Variants in GBE1 observed in about 807,000 individuals in gnomAD.
The protein encoded by GBE1 is 1,4-alpha-glucan branching enzyme 1.
In GBE1, 70 loss-of-function variants were observed where a neutral mutation model predicts 88.8. That is an observed-to-expected ratio of 0.79 (90% CI 0.65 to 0.96). The LOEUF (loss-of-function observed/expected upper bound fraction) is 0.96. GBE1 is among the 40% of genes least tolerant of loss of function. GBE1 has a pLI of 0.00. For synonymous variants in GBE1, 284 were observed against 300.1 expected (o/e 0.95, Z 0.56); for missense variants, 872 against 871.0 (o/e 1.00, Z -0.01).
chr3:81,755,337 G>A (rs2107242002), intron 1 of GBE1, among the ~76,000 whole-genome samples: 1 of 152,178 alleles, frequency 6.6e-6, no homozygotes, highest in African/African-American at 2.4e-5. Flanking sequence ...GTTAGGATGT[G>A]CAGAAAGGGA....
intron 3 of GBE1, among the ~76,000 whole-genome samples, chr3:81,667,592 T>C (rs994909257): frequency 2.0e-5 from 3 of 152,210 alleles, no homozygotes; most frequent in Non-Finnish European, 4.4e-5. Context: ...TTGTCATAAA[T>C]AGCTCTTATT....
At chr3:81,537,624 T>C (rs1703094921) in intron 12 of GBE1, among the ~76,000 whole-genome samples, 1 of 152,052 alleles carries the variant, frequency 6.6e-6, no homozygotes, top group South Asian at 2.1e-4. Context: ...ACCATTAAAA[T>C]TGAGTTCCTC....
chr3:81,681,050 G>A (rs1273376383), intron 2 of GBE1, among the ~76,000 whole-genome samples: 1 of 152,202 alleles, frequency 6.6e-6, no homozygotes, highest in Non-Finnish European at 1.5e-5. Context: ...CTTTCATTTT[G>A]TAATCTCTCA....
At chr3:81,514,063 C>G (rs935770609) in intron 14 of GBE1, among the ~76,000 whole-genome samples, 3 of 151,604 alleles carry the variant, frequency 2.0e-5, no homozygotes, top group Non-Finnish European at 4.4e-5. Context: ...AAGTAGAGAA[C>G]AAACTGAAGA....
At chr3:81,648,560 T>G (rs1231365203) in intron 5 of GBE1, among the ~76,000 whole-genome samples, 1 of 152,058 alleles carries the variant, frequency 6.6e-6, no homozygotes. Flanking sequence ...AAAGGTTTCC[T>G]CCAGTAAAAA....
chr3:81,510,580 G>A (rs1307555506), intron 14 of GBE1, among the ~76,000 whole-genome samples: 2 of 151,932 alleles, frequency 1.3e-5, no homozygotes, highest in Non-Finnish European at 2.9e-5. Context: ...TTATTGTGAG[G>A]AGAAAGATTC....
chr3:81,646,682 T>C (rs1294602030), intron 5 of GBE1, among the ~76,000 whole-genome samples, 200 bp from the exon 6 acceptor site: 2 of 152,222 alleles, frequency 1.3e-5, no homozygotes, highest in Non-Finnish European at 1.5e-5. Flanking sequence ...AGCTGTATTC[T>C]GACTAGCTAT....
intron 1 of GBE1, among the ~76,000 whole-genome samples, chr3:81,730,744 G>C (rs1324655722): frequency 6.6e-6 from 1 of 152,192 alleles, no homozygotes; most frequent in Non-Finnish European, 1.5e-5. Context: ...CTGTAGGAAT[G>C]AAACTCTTAA....
At chr3:81,565,636 A>C (rs1181894942) in intron 12 of GBE1, among the ~76,000 whole-genome samples, 1 of 152,198 alleles carries the variant, frequency 6.6e-6, no homozygotes, top group African/African-American at 2.4e-5. Flanking sequence ...TATATTGAGA[A>C]AATCCTTTAA....
intron 12 of GBE1, among the ~76,000 whole-genome samples, chr3:81,540,568 T>C (rs984414358): frequency 2.6e-5 from 4 of 152,096 alleles, no homozygotes; most frequent in Non-Finnish European, 5.9e-5. Context: ...AAAGGGTTGC[T>C]AGCTATTTGG....
chr3:81,640,820 A>G (rs1030345580), intron 7 of GBE1, among the ~76,000 whole-genome samples: 7 of 151,716 alleles, frequency 4.6e-5, no homozygotes, highest in Non-Finnish European at 7.4e-5. Context: ...ATGACAGCAG[A>G]AAAAAAACAA....
chr3:81,527,930 C>T (rs1399774627), intron 14 of GBE1, among the ~76,000 whole-genome samples: 25 of 151,804 alleles, frequency 1.6e-4, no homozygotes, highest in Non-Finnish European at 2.5e-4. Flanking sequence ...ATGTTTATTG[C>T]GGCACTATTC....
chr3:81,546,691 C>G (rs1023318523), intron 12 of GBE1, among the ~76,000 whole-genome samples: 3 of 151,504 alleles, frequency 2.0e-5, no homozygotes, highest in African/African-American at 7.3e-5. Flanking sequence ...CCTCTATGGT[C>G]TAAAAGTGGG....
intron 2 of GBE1, among the ~76,000 whole-genome samples, chr3:81,674,412 T>A (rs1389068897): frequency 6.6e-6 from 1 of 151,896 alleles, no homozygotes; most frequent in Non-Finnish European, 1.5e-5. Flanking sequence ...CATTAAACAC[T>A]TAGCTAAGAA....
At chr3:81,701,562 T>C (rs1440373209) in intron 2 of GBE1, among the ~76,000 whole-genome samples, 1 of 151,908 alleles carries the variant, frequency 6.6e-6, no homozygotes, top group African/African-American at 2.4e-5. Context: ...CTGATTAAGG[T>C]ACAAAATTTC....
At chr3:81,644,928 T>C (rs1275990106) in intron 6 of GBE1, among the ~76,000 whole-genome samples, 2 of 152,096 alleles carry the variant, frequency 1.3e-5, no homozygotes, top group African/African-American at 4.8e-5. Context: ...AAGTCCAGTA[T>C]AATGCCAAGA....
intron 1 of GBE1, among the ~76,000 whole-genome samples, chr3:81,717,265 A>G (rs1298911956): frequency 6.6e-6 from 1 of 152,156 alleles, no homozygotes; most frequent in Non-Finnish European, 1.5e-5. Flanking sequence ...TTCTGTATTC[A>G]GGTTTCTCTT....
intron 1 of GBE1, among the ~76,000 whole-genome samples, chr3:81,740,405 C>G (rs1360306426): frequency 6.6e-6 from 1 of 151,400 alleles, no homozygotes; most frequent in East Asian, 1.9e-4. Flanking sequence ...GGTATCTACC[C>G]ATATGTAAAG....
chr3:81,650,282 C>T (rs542015465), intron 3 of GBE1: 49 of 177,364 alleles, frequency 2.8e-4, no homozygotes, highest in South Asian at 1.9e-3. Flanking sequence ...TCATCCTACT[C>T]CATTAAAAAA....
Sources: gnomAD v4.1 joint callset for allele counts (sites outside exome capture counted in the v4.1 genomes callset) on GRCh38, gnomAD v4.1.1 for gene constraint, MANE v1.5 for transcripts, NCBI Gene and HGNC (gene_info 2026-07-23, HGNC 2026-07-21) for gene names.